The following RBMX variants were observed in gnomAD, a reference collection of about 807,000 sequenced individuals.
RBMX encodes RNA binding motif protein X-linked.
In RBMX, 1 loss-of-function variant was observed where a neutral mutation model predicts 29.3. The observed-to-expected ratio is 0.03, with a 90% CI of 0.01 to 0.16. RBMX has a LOEUF of 0.16. RBMX is among the 10% of genes least tolerant of loss of function. RBMX has a pLI of 1.00. For missense variants in RBMX, 121 were observed against 333.2 expected (o/e 0.36, Z 4.96); for synonymous variants, 102 against 102.3 (o/e 1.00, Z 0.02).
intron 2 of RBMX, 77 bp downstream of exon 2, chrX:136,879,242 G>T: frequency 8.4e-7 from 1 of 1,191,120 alleles, no homozygotes; most frequent in Non-Finnish European, 1.1e-6. Context: ...TATCATGTCA[G>T]ACGATCAATG....
chrX:136,876,723 T>C (rs2077734297), intron 4 of RBMX, 68 bp from the exon 5 acceptor site: 4 of 1,006,255 alleles, frequency 4.0e-6, no homozygotes, highest in Non-Finnish European at 5.3e-6. Flanking sequence ...AAAGTTTTTT[T>C]TTTTTTTTGA....
Position 136,879,468 on chromosome X carries a change from T to C in RBMX, c.-26-15A>G. ...GGCCGGTGAGTCTGTTGAAAAGGAA[T>C]AGTATTACCTCACTGCAAAAAGTTC... On this transcript the variant is annotated splice_polypyrimidine_tract_variant and intron_variant, in intron 1 of 8. Coordinates refer to ENST00000320676, the MANE Select transcript of RBMX (RefSeq NM_002139.4). The C allele has an allele frequency of 1.8e-6, 2 of 1,123,172 alleles. No individual in the cohort carries two copies. Among genetic ancestry groups the C allele is most frequent in the African/African-American group, 1.8e-5 (1 of 54,780 alleles). 92.6% of individuals were successfully genotyped at this position (1,123,172 alleles called of 1,213,427 possible).
Position 136,874,310 on chromosome X carries a change from T to C in RBMX, c.1008A>G (p.Ser336=), listed in dbSNP as rs757349645. ...GTCTGCCAACCCGATCACGACCACT[T>C]GAGTAGAGATCACTTCGGCTGCTTG... ...SYSSSRSDLY[S]SGRDRVGRQE... The change falls in exon 9 of 9, where the codon TCA becomes TCG. Residue 336 remains serine, a synonymous_variant. Coordinates refer to ENST00000320676, the MANE Select transcript of RBMX (RefSeq NM_002139.4). 23 of 1,212,305 alleles carry C rather than the reference T, an allele frequency of 1.9e-5. No homozygotes were observed. The highest frequency in any genetic ancestry group is 2.5e-5 in the Non-Finnish European group (22 of 895,594).
chrX:136,877,892 C>T (rs888548985), intron 4 of RBMX, 23 bp downstream of exon 4: 2 of 1,154,022 alleles, frequency 1.7e-6, no homozygotes, highest in Non-Finnish European at 2.3e-6. Flanking sequence ...TACACCAAAC[C>T]CGAGGTCCAC....
intron 4 of RBMX, 31 bp downstream of exon 4, chrX:136,877,884 C>T: frequency 8.7e-7 from 1 of 1,143,997 alleles, no homozygotes; most frequent in African/African-American, 1.8e-5. Flanking sequence ...CTAACTTATA[C>T]ACCAAACCCG....
chrX:136,870,777 G>A (rs1432428751), downstream of RBMX, among the ~76,000 whole-genome samples: 2 of 89,700 alleles, frequency 2.2e-5, no homozygotes, highest in Non-Finnish European at 4.3e-5. Flanking sequence ...GAGTTGAGAA[G>A]CCATCTCAAA....
downstream of RBMX, chrX:136,869,949 A>G (rs1341919468): frequency 8.9e-6 from 1 of 112,404 alleles, no homozygotes; most frequent in Non-Finnish European, 1.9e-5. Flanking sequence ...GTTACTTTCC[A>G]GATGTCACTC....
rs758107731 is a variant in RBMX, at chrX:136,878,005, G to T, written c.298C>A (p.Pro100Thr). The T allele has an allele frequency of 1.4e-4, 168 of 1,208,386 alleles. No individual in the cohort carries two copies. In the South Asian group the frequency reaches 2.8e-3, roughly 20 times the overall value. ...ESGRRGPPPP[P>T]RSRGPPRGLR... ...CCTCTTGGAGGGCCTCTACTTCTTG[G>T]AGGTGGAGGCGGTCCACGTCTACCA... The change falls in exon 4 of 9, where the codon CCA becomes ACA. Residue 100 changes from proline (P) to threonine (T), a missense_variant. Coordinates refer to ENST00000320676, the MANE Select transcript of RBMX (RefSeq NM_002139.4).
chrX:136,876,145 G>A (rs1450624967), intron 5 of RBMX, among the ~76,000 whole-genome samples: 4 of 85,658 alleles, frequency 4.7e-5, no homozygotes, highest in Non-Finnish European at 8.9e-5. Context: ...TTTTTTTGGA[G>A]ACAGAATCTC....
chrX:136,879,668 CAACTT>C (rs1025407561), intron 1 of RBMX, among the ~76,000 whole-genome samples: 4 of 111,834 alleles, frequency 3.6e-5, no homozygotes, highest in South Asian at 3.6e-4. Flanking sequence ...TTAAAAGGGC[CAACTT>C]AACTTTTACC....
At chrX:136,878,222 G>A in intron 3 of RBMX, 136 bp from the exon 4 acceptor site, 1 of 513,544 alleles carries the variant, frequency 1.9e-6, no homozygotes, top group East Asian at 4.0e-5. Flanking sequence ...AAAAAACACT[G>A]CAAATATAGT....
In RBMX at chrX:136,876,570, C is replaced by T; in HGVS notation, c.474G>A (p.Gly158=). The T allele has an allele frequency of 8.3e-7, 1 of 1,207,542 alleles. No individual in the cohort carries two copies. Among genetic ancestry groups the T allele is most frequent in the Non-Finnish European group, 1.1e-6 (1 of 893,240 alleles). ...GTGCAGATCTCTTAGGAGGAGGACC[C>T]CCACTTCTTGGTGGTGGTCCTCTTT... ...PVKRGPPPRS[G]GPPPKRSAPS... Residue 158 remains glycine, a synonymous_variant, in exon 5 of 9, where the codon GGG becomes GGA. Coordinates refer to ENST00000320676, the MANE Select transcript of RBMX (RefSeq NM_002139.4).
downstream of RBMX, chrX:136,870,174 T>C (rs1273285466): frequency 8.9e-6 from 1 of 112,596 alleles, no homozygotes; most frequent in Non-Finnish European, 1.9e-5. Context: ...CACAAGAACT[T>C]CCTGACTACC....
Position 136,876,757 on chromosome X carries a change from G to C in RBMX, c.389-102C>G, listed in dbSNP as rs151277860. The C allele has an allele frequency of 1.9e-3, 1,321 of 693,189 alleles. 20 individuals are homozygous for C. The African/African-American group carries it at 0.028, about 15-fold the overall frequency. The allele number at this position is 693,189 out of a possible 1,213,427, so 57.1% of individuals were successfully genotyped here. The stretch of plus-strand genomic sequence containing the variant: ...GAGAGTCTCACTGTCGCCCAGGCTG[G>C]AGTGCAGTGGCTTCATCTCGGCTCA... On this transcript the variant is annotated intron_variant, in intron 4 of 8. Transcript: ENST00000320676.
At chrX:136,873,099 C>T (rs766980454), downstream of RBMX, 3 of 107,620 alleles carry the variant, frequency 2.8e-5, no homozygotes, top group South Asian at 4.0e-4. Flanking sequence ...ACTTCTAATA[C>T]GCTATTGAAT....
chrX:136,874,933 TCA>T (rs2077711799), intron 8 of RBMX, 151 bp downstream of exon 8: 2 of 1,022,716 alleles, frequency 2.0e-6, no homozygotes, highest in Non-Finnish European at 2.5e-6. Flanking sequence ...AAAAAGCCCC[TCA>T]CAAAACTAGG....
At chrX:136,872,922 C>T (rs2077693472), downstream of RBMX, 1 of 110,413 alleles carries the variant, frequency 9.1e-6, no homozygotes, top group African/African-American at 3.3e-5. Context: ...ATGTTAAAAA[C>T]ATACGAAGCA....
chrX:136,875,661 A>G, intron 5 of RBMX, 76 bp from the exon 6 acceptor site: 1 of 1,124,418 alleles, frequency 8.9e-7, no homozygotes. Flanking sequence ...CAGGCTATGA[A>G]AAATAATGAG....
chrX:136,875,545 A>T lies in RBMX; in HGVS notation c.582T>A (p.Pro194=). Residue 194 remains proline, a synonymous_variant, in exon 6 of 9, where the codon CCT becomes CCA. Coordinates refer to ENST00000320676, the MANE Select transcript of RBMX (RefSeq NM_002139.4). ...TACGAGAGGGCAGCGGTTCCCTTCG[A>T]GGTGGACCTCCATAACTATCTCTTC... is the stretch of plus-strand genomic sequence containing the variant. The part of the protein sequence containing the change: ...SRGRDSYGGP[P]RREPLPSRRD... The T allele has an allele frequency of 8.3e-7, 1 of 1,211,726 alleles. No homozygotes were observed. Among genetic ancestry groups the T allele is most frequent in the Non-Finnish European group, 1.1e-6 (1 of 895,545 alleles).
Sources: gnomAD v4.1 joint callset for allele counts (sites outside exome capture counted in the v4.1 genomes callset) on GRCh38, gnomAD v4.1.1 for gene constraint, MANE v1.5 for transcripts, NCBI Gene and HGNC (gene_info 2026-07-23, HGNC 2026-07-21) for gene names.